Variants in TRPC7 observed in about 807,000 individuals in gnomAD.
TRPC7 encodes short transient receptor potential channel 7.
Under a neutral mutation model 90.1 loss-of-function variants are expected in TRPC7, and 42 were observed. The observed-to-expected ratio is 0.47, with a 90% CI of 0.36 to 0.60. The LOEUF (loss-of-function observed/expected upper bound fraction) is 0.60. TRPC7 is among the 20% of genes least tolerant of loss of function. TRPC7 has a pLI of 0.00. For synonymous variants in TRPC7, 451 were observed against 436.3 expected (o/e 1.03, Z -0.42); for missense variants, 955 against 1,112.3 (o/e 0.86, Z 2.01).
intron 3 of TRPC7, among the ~76,000 whole-genome samples, chr5:136,288,299 A>G (rs1171593093): frequency 6.6e-6 from 1 of 152,168 alleles, no homozygotes; most frequent in Non-Finnish European, 1.5e-5. Flanking sequence ...TTCTCCAGTC[A>G]TTACACATTT....
chr5:136,265,098 G>A (rs2149811700), intron 5 of TRPC7, among the ~76,000 whole-genome samples: 1 of 152,248 alleles, frequency 6.6e-6, no homozygotes, highest in Admixed American at 6.5e-5. Flanking sequence ...TATTTAATTA[G>A]CACAGGCCAT....
chr5:136,288,141 G>A (rs1757793924), intron 3 of TRPC7, among the ~76,000 whole-genome samples: 1 of 151,930 alleles, frequency 6.6e-6, no homozygotes, highest in Non-Finnish European at 1.5e-5. Context: ...CTGAGGCAGA[G>A]GGCTAAGTAA....
intron 3 of TRPC7, among the ~76,000 whole-genome samples, chr5:136,295,718 T>C (rs952365223): frequency 6.6e-6 from 1 of 151,630 alleles, no homozygotes; most frequent in African/African-American, 2.4e-5. Flanking sequence ...CTGCAATCTC[T>C]GTAGGAGAAT....
chr5:136,249,924 G>A (rs1369478074), intron 6 of TRPC7, among the ~76,000 whole-genome samples: 2 of 152,264 alleles, frequency 1.3e-5, no homozygotes, highest in East Asian at 3.9e-4. Flanking sequence ...ATTTCCAAGG[G>A]CACAGCGTGA....
At chr5:136,240,325 T>C (rs1318839127) in intron 7 of TRPC7, among the ~76,000 whole-genome samples, 1 of 152,232 alleles carries the variant, frequency 6.6e-6, no homozygotes, top group Non-Finnish European at 1.5e-5. Flanking sequence ...TATGGGATCG[T>C]AGCTGTTGCT....
intron 4 of TRPC7, among the ~76,000 whole-genome samples, chr5:136,270,538 T>A (rs975674283): frequency 2.0e-5 from 3 of 152,202 alleles, no homozygotes; most frequent in Non-Finnish European, 2.9e-5. Flanking sequence ...ACGAGCCTGT[T>A]CGGGATATCT....
At chr5:136,240,193 C>T (rs962078153) in intron 7 of TRPC7, among the ~76,000 whole-genome samples, 17 of 152,310 alleles carry the variant, frequency 1.1e-4, no homozygotes, top group Non-Finnish European at 2.5e-4. Flanking sequence ...GAGTGCCCTT[C>T]CAGTCATCCT....
chr5:136,304,929 G>C lies in TRPC7; in HGVS notation c.963+10668C>G, dbSNP rs200631851. Among the ~76,000 whole-genome samples, 112 of 144,118 alleles carry C rather than the reference G, an allele frequency of 7.8e-4. 3 individuals are homozygous for C. The highest frequency in any genetic ancestry group is 2.8e-3 in the African/African-American group (108 of 38,506). 94.5% of individuals were successfully genotyped at this position (144,118 alleles called of 152,430 possible). ...TCTGTCCAAACAACTTGACCTTACT[G>C]TTTTAGCCTAGCCCTCATGTCTGCG... On this transcript the variant is annotated intron_variant, in intron 3 of 11. Transcript: ENST00000513104.
At chr5:136,275,861 T>G (rs1757348691) in intron 3 of TRPC7, among the ~76,000 whole-genome samples, 1 of 152,230 alleles carries the variant, frequency 6.6e-6, no homozygotes, top group African/African-American at 2.4e-5. Flanking sequence ...TTCCACTTTA[T>G]GGACTAAGTA....
chr5:136,338,728 T>C, intron 2 of TRPC7, among the ~76,000 whole-genome samples: 1 of 152,182 alleles, frequency 6.6e-6, no homozygotes, highest in Non-Finnish European at 1.5e-5. Flanking sequence ...CACTTTTCAA[T>C]CAAATGCAGT....
At chr5:136,237,201 C>T (rs578104365) in intron 7 of TRPC7, among the ~76,000 whole-genome samples, 1 of 152,312 alleles carries the variant, frequency 6.6e-6, no homozygotes, top group Admixed American at 6.5e-5. Context: ...CGAATCACCT[C>T]TGAGTTCTAC....
intron 3 of TRPC7, among the ~76,000 whole-genome samples, chr5:136,291,110 C>A (rs1211234875): frequency 6.6e-6 from 1 of 152,146 alleles, no homozygotes; most frequent in African/African-American, 2.4e-5. Flanking sequence ...TAGTCACCAC[C>A]AGGCCTGCCC....
At chr5:136,215,033 C>T (rs1328401436) in intron 11 of TRPC7, among the ~76,000 whole-genome samples, 2 of 152,066 alleles carry the variant, frequency 1.3e-5, no homozygotes, top group Non-Finnish European at 2.9e-5. Context: ...AAAAGCAGAT[C>T]CCCAGACCCC....
chr5:136,330,685 A>G (rs1759472068), intron 2 of TRPC7, among the ~76,000 whole-genome samples: 1 of 152,268 alleles, frequency 6.6e-6, no homozygotes, highest in African/African-American at 2.4e-5. Context: ...CGAGGGAAGG[A>G]CAGGAGATGA....
At chr5:136,236,141 G>A (rs562597219) in intron 7 of TRPC7, among the ~76,000 whole-genome samples, 21 of 152,264 alleles carry the variant, frequency 1.4e-4, no homozygotes, top group African/African-American at 3.1e-4. Flanking sequence ...CGTACCAGGC[G>A]ATGAGGATAC....
rs1196142875 is a variant in TRPC7 at position 136,216,282 on chromosome 5, T to C, written c.2344-7A>G. 1 of 1,609,974 alleles carries C rather than the reference T, an allele frequency of 6.2e-7. No homozygotes were observed. Among genetic ancestry groups the C allele is most frequent in the Middle Eastern group, 1.7e-4 (1 of 6,052 alleles). Reference sequence around the variant, plus strand: ...TGAGCCGTTTCATGATTTTCTGAAATGCCAAGCAAGGAAGGGATCAGACAG... The same window carrying C: ...TGAGCCGTTTCATGATTTTCTGAAACGCCAAGCAAGGAAGGGATCAGACAG... On this transcript the variant is annotated splice_region_variant and splice_polypyrimidine_tract_variant and intron_variant, in intron 10 of 11. Transcript: ENST00000513104.
rs535658508 is a variant in TRPC7 at position 136,228,034 on chromosome 5, T to G, written c.2041-1779A>C. Among the ~76,000 whole-genome samples, 55 of 152,162 alleles carry G rather than the reference T, an allele frequency of 3.6e-4. No individual in the cohort carries two copies. In the South Asian group the frequency reaches 0.011, roughly 30 times the overall value. On this transcript the variant is annotated intron_variant, in intron 8 of 11. Coordinates refer to ENST00000513104, the MANE Select transcript of TRPC7 (RefSeq NM_020389.3). ...GCTAGGGAGGCCCTGGGCATGACGA[T>G]CCATGCCGTGGTGGAACACACAGTC...
chr5:136,224,523 T>C (rs1355460949), intron 10 of TRPC7, among the ~76,000 whole-genome samples: 3 of 152,122 alleles, frequency 2.0e-5, no homozygotes, highest in Admixed American at 6.5e-5. Context: ...CAGCTATATA[T>C]CCAGAAAGTG....
chr5:136,251,601 C>T (rs1305876683), intron 6 of TRPC7, 48 bp downstream of exon 6: 2 of 1,443,800 alleles, frequency 1.4e-6, no homozygotes, highest in Non-Finnish European at 1.9e-6. Context: ...ACCAGGCCCA[C>T]GTCCCGGAAG....
Sources: allele counts gnomAD v4.1 joint callset (sites outside exome capture counted in the v4.1 genomes callset), GRCh38; gene constraint gnomAD v4.1.1; transcripts MANE v1.5; gene names NCBI Gene and HGNC (gene_info 2026-07-23, HGNC 2026-07-21).